PLCB4: variants seen among roughly 807,000 people sequenced by gnomAD.
PLCB4 encodes phospholipase C beta 4.
PLCB4 carries 77 observed loss-of-function variants against 178.8 expected under a neutral mutation model. The observed-to-expected ratio is 0.43, with a 90% CI of 0.36 to 0.52. PLCB4 has a LOEUF of 0.52. PLCB4 is among the 20% of genes least tolerant of loss of function. PLCB4 has a pLI of 0.00. For synonymous variants in PLCB4, 496 were observed against 490.8 expected, an observed-to-expected ratio of 1.01 and a Z score of -0.14; for missense variants, 1,024 against 1,453.4, an observed-to-expected ratio of 0.70 and a Z score of 4.80.
intron 29 of PLCB4, among the ~76,000 whole-genome samples, chr20:9,435,858 A>G (rs1423635940): frequency 6.6e-6 from 1 of 152,242 alleles, no homozygotes; most frequent in Non-Finnish European, 1.5e-5. Context: ...CTTCATCATC[A>G]GTGGCTTAAC....
In PLCB4 at chr20:9,393,531, A is replaced by T. The variant is rs1288095955; in HGVS notation, c.1324-57A>T. On this transcript the variant is annotated intron_variant, in intron 17 of 39. Coordinates refer to ENST00000378473, the MANE Select transcript of PLCB4 (RefSeq NM_001377142.1). ...CCTCCCAGGCTCCTCCTGGACTGGG[A>T]AGGAGAATGGAGAAGCACAGCCCTT... 5.9e-6 allele frequency: 7 copies of T among 1,179,546 alleles called. No homozygotes were observed. The Admixed American group carries it at 1.2e-4, about 21-fold the overall frequency. The allele number at this position is 1,179,546 out of a possible 1,614,324, so 73.1% of individuals were successfully genotyped here.
intron 27 of PLCB4, 37 bp downstream of exon 27, chr20:9,421,498 A>G (rs1381773757): frequency 1.9e-6 from 3 of 1,562,556 alleles, no homozygotes; most frequent in Non-Finnish European, 2.6e-6. Flanking sequence ...TACTCTAATA[A>G]CTTGGGAGCC....
At chr20:9,296,065 C>A (rs1000945131) in intron 3 of PLCB4, among the ~76,000 whole-genome samples, 1 of 152,130 alleles carries the variant, frequency 6.6e-6, no homozygotes, top group African/African-American at 2.4e-5. Context: ...TCAAAGTGAA[C>A]AGGCAACCTA....
intron 35 of PLCB4, among the ~76,000 whole-genome samples, chr20:9,461,934 G>A (rs1355613813): frequency 2.0e-5 from 3 of 152,208 alleles, no homozygotes; most frequent in African/African-American, 7.2e-5. Flanking sequence ...TGAGCTCTGA[G>A]AACGGACAGA....
At chr20:9,250,480 A>G (rs889423027) in intron 3 of PLCB4, among the ~76,000 whole-genome samples, 1 of 152,256 alleles carries the variant, frequency 6.6e-6, no homozygotes, top group Non-Finnish European at 1.5e-5. Context: ...AAGACTGCAT[A>G]TGAGTTATAT....
At chr20:9,391,093 T>C (rs895610753) in intron 17 of PLCB4, among the ~76,000 whole-genome samples, 3 of 152,174 alleles carry the variant, frequency 2.0e-5, no homozygotes, top group Non-Finnish European at 2.9e-5. Flanking sequence ...GTGCCCTGGA[T>C]TGATGTCACG....
chr20:9,427,493 T>A (rs1320769994), intron 28 of PLCB4, among the ~76,000 whole-genome samples: 3 of 152,246 alleles, frequency 2.0e-5, no homozygotes, highest in Non-Finnish European at 4.4e-5. Context: ...TTACTCCCTC[T>A]GTCATACACA....
chr20:9,417,225 T>A (rs1046703719), intron 25 of PLCB4, among the ~76,000 whole-genome samples: 5 of 152,158 alleles, frequency 3.3e-5, no homozygotes, highest in African/African-American at 4.8e-5. Flanking sequence ...TAATTTTTTT[T>A]AAGTTTTTTG....
At chr20:9,416,530 G>T (rs1478876093) in intron 25 of PLCB4, among the ~76,000 whole-genome samples, 1 of 152,140 alleles carries the variant, frequency 6.6e-6, no homozygotes, top group African/African-American at 2.4e-5. Context: ...TTTCCTTCCA[G>T]AGAAAGCTGG....
In PLCB4 at chr20:9,413,677, A is replaced by T. The variant is rs888447470; in HGVS notation, c.2051+2589A>T. 8.7e-5 allele frequency among the ~76,000 whole-genome samples: 13 copies of T among 149,476 alleles called. No homozygotes were observed. The East Asian group carries it at 2.6e-3, about 30-fold the overall frequency. On this transcript the variant is annotated intron_variant, in intron 25 of 39. Coordinates refer to ENST00000378473, the MANE Select transcript of PLCB4 (RefSeq NM_001377142.1). ...CCATCTCAAAAAAAAAAAAAAAAAAAGTCCTGACAATCCTATGTTGTTTGT... is the reference window on the plus strand; with the variant it reads ...CCATCTCAAAAAAAAAAAAAAAAAATGTCCTGACAATCCTATGTTGTTTGT...
At chr20:9,266,237 A>G (rs968567795) in intron 3 of PLCB4, among the ~76,000 whole-genome samples, 1 of 152,176 alleles carries the variant, frequency 6.6e-6, no homozygotes, top group African/African-American at 2.4e-5. Flanking sequence ...AGATCTACTG[A>G]ATGAGAATCT....
chr20:9,382,574 G>T (rs2037235211), intron 13 of PLCB4, among the ~76,000 whole-genome samples: 1 of 152,140 alleles, frequency 6.6e-6, no homozygotes, highest in South Asian at 2.1e-4. Flanking sequence ...GCATACATCT[G>T]CATCAAGGTC....
At chr20:9,209,584 T>C (rs1038469968) in intron 2 of PLCB4, among the ~76,000 whole-genome samples, 3 of 152,086 alleles carry the variant, frequency 2.0e-5, no homozygotes, top group Non-Finnish European at 2.9e-5. Context: ...ATGACTGGCT[T>C]TGAAGATGGT....
rs536990498 is a variant in PLCB4, at chr20:9,400,627, G to T, written c.1511-863G>T. ...GGATTTATATTGTCCTCATCCTGATGTCTGTGGGTTTCTCCTGATCCTGGC... is the reference window on the plus strand; with the variant it reads ...GGATTTATATTGTCCTCATCCTGATTTCTGTGGGTTTCTCCTGATCCTGGC... On this transcript the variant is annotated intron_variant, in intron 19 of 39. Coordinates refer to ENST00000378473, the MANE Select transcript of PLCB4 (RefSeq NM_001377142.1). Among the ~76,000 whole-genome samples, 5 of 152,214 alleles carry T rather than the reference G, an allele frequency of 3.3e-5. No individual in the cohort carries two copies. In the East Asian group the frequency reaches 9.7e-4, roughly 29 times the overall value.
intron 12 of PLCB4, among the ~76,000 whole-genome samples, chr20:9,376,774 G>A (rs1029832483): frequency 2.0e-5 from 3 of 152,272 alleles, no homozygotes; most frequent in South Asian, 2.1e-4. Flanking sequence ...GGAGATGGGT[G>A]GAGGGCAGGA....
At chr20:9,463,593 C>CAAAAAAAAAAAAAAAAA (rs145361980) in intron 35 of PLCB4, among the ~76,000 whole-genome samples, 2 of 49,706 alleles carry the variant, frequency 4.0e-5, no homozygotes, top group Non-Finnish European at 7.3e-5. Context: ...AAATGGAAAG[C>CAAAAAAAAAAAAAAAAA]AAAAAAAAAA....
At chr20:9,095,001 A>G (rs1464221146) in intron 1 of PLCB4, among the ~76,000 whole-genome samples, 1 of 152,156 alleles carries the variant, frequency 6.6e-6, no homozygotes, top group Non-Finnish European at 1.5e-5. Flanking sequence ...AGTGGTGAAG[A>G]GCAAGAGAGG....
intron 1 of PLCB4, among the ~76,000 whole-genome samples, chr20:9,070,826 G>C (rs2089534666): frequency 6.6e-6 from 1 of 152,128 alleles, no homozygotes; most frequent in African/African-American, 2.4e-5. Context: ...TTGGAACTTA[G>C]TTTTGATGGT....
chr20:9,411,072 T>A lies in PLCB4; in HGVS notation c.2035T>A (p.Tyr679Asn). ...GCAATTGAATCAGGGAAAATTTGAG[T>A]ATAATGGATCGTGCGGGTGAGTAAT... Reference protein sequence around the residue: ...AMQLNQGKFEYNGSCGYLLKP... With the variant: ...AMQLNQGKFENNGSCGYLLKP... Residue 679 changes from tyrosine to asparagine, a missense_variant, in exon 25 of 40, where the codon TAT (tyrosine) becomes AAT (asparagine). Physicochemically the swap from Tyr to Asn is moderately radical, Grantham distance 143. Coordinates refer to ENST00000378473, the MANE Select transcript of PLCB4 (RefSeq NM_001377142.1). 6.2e-7 allele frequency: 1 copy of A among 1,609,988 alleles called. No homozygotes were observed. The highest frequency in any genetic ancestry group is 1.1e-5 in the South Asian group (1 of 90,978).
Sources: gnomAD v4.1 joint callset for allele counts (sites outside exome capture counted in the v4.1 genomes callset) on GRCh38, gnomAD v4.1.1 for gene constraint, MANE v1.5 for transcripts, NCBI Gene and HGNC (gene_info 2026-07-23, HGNC 2026-07-21) for gene names.